The following GPHN variants were observed in gnomAD, a reference collection of about 807,000 sequenced individuals.
GPHN encodes the protein gephyrin.
A neutral mutation model predicts 95.5 loss-of-function variants in GPHN; 17 were observed. The ratio of observed to expected loss-of-function variants is 0.18; its 90% confidence interval spans 0.12 to 0.27. The LOEUF is 0.27. Ranked by LOEUF, GPHN falls within the 10% of genes least tolerant of loss-of-function variation. GPHN has a pLI of 1.00. For missense variants in GPHN, 660 were observed against 978.1 expected (o/e 0.67, Z 4.34); for synonymous variants, 320 against 322.5 (o/e 0.99, Z 0.08).
chr14:66,804,014 G>A (rs947545035), intron 3 of GPHN, among the ~76,000 whole-genome samples: 4 of 148,548 alleles, frequency 2.7e-5, no homozygotes, highest in African/African-American at 1.0e-4. Flanking sequence ...GGTTTTTTTT[G>A]TTCTGTTTTT....
intron 8 of GPHN, among the ~76,000 whole-genome samples, chr14:66,952,394 A>G (rs2068162812): frequency 6.6e-6 from 1 of 151,934 alleles, no homozygotes; most frequent in Non-Finnish European, 1.5e-5. Context: ...ACAATATTCC[A>G]TTGTAAGGTA....
intron 1 of GPHN, among the ~76,000 whole-genome samples, chr14:66,621,415 A>G (rs2063295741): frequency 7.3e-6 from 1 of 136,906 alleles, no homozygotes; most frequent in Admixed American, 7.3e-5. Flanking sequence ...GTGCCTGGCC[A>G]GGGCTGTCAA....
At chr14:67,266,739 T>A in the GPHN span, among the ~76,000 whole-genome samples, 1 of 152,200 alleles carries the variant, frequency 6.6e-6, no homozygotes, top group Admixed American at 6.5e-5. Context: ...AGTTACACAG[T>A]TATCAAGTAA....
At chr14:66,990,074 C>T (rs1463312783) in intron 9 of GPHN, among the ~76,000 whole-genome samples, 2 of 152,074 alleles carry the variant, frequency 1.3e-5, no homozygotes, top group Non-Finnish European at 2.9e-5. Context: ...CCTCAGGAAA[C>T]TTACAATCAT....
chr14:66,939,262 A>G (rs2067282550), intron 8 of GPHN, among the ~76,000 whole-genome samples: 1 of 152,176 alleles, frequency 6.6e-6, no homozygotes, highest in South Asian at 2.1e-4. Flanking sequence ...AATGGGAGAA[A>G]ATATTTGCAA....
chr14:67,589,796 A>G, the GPHN span: 1 of 1,116,214 alleles, frequency 9.0e-7, no homozygotes, highest in Non-Finnish European at 1.1e-6. Context: ...GCAATTTCCG[A>G]AAGTGTTCTT....
chr14:67,253,169 T>C, the GPHN span, among the ~76,000 whole-genome samples: 1 of 152,226 alleles, frequency 6.6e-6, no homozygotes, highest in South Asian at 2.1e-4. Context: ...TGATTCCTTA[T>C]CTGCAGAATG....
At chr14:67,176,931 A>G (rs1379238498) in intron 21 of GPHN, among the ~76,000 whole-genome samples, 2 of 152,056 alleles carry the variant, frequency 1.3e-5, no homozygotes, top group African/African-American at 4.8e-5. Flanking sequence ...TATCCCCTTT[A>G]TCATTTTTTA....
At chr14:67,521,769 T>C in the GPHN span, among the ~76,000 whole-genome samples, 1 of 152,188 alleles carries the variant, frequency 6.6e-6, no homozygotes, top group Non-Finnish European at 1.5e-5. Flanking sequence ...AGACCAAAGT[T>C]AAAAGAAATC....
intron 1 of GPHN, among the ~76,000 whole-genome samples, chr14:66,613,458 A>C (rs960691901): frequency 6.6e-6 from 1 of 152,110 alleles, no homozygotes; most frequent in African/African-American, 2.4e-5. Context: ...GATCATGAAA[A>C]GGACGCTTGT....
chr14:66,904,523 G>T (rs8022801), intron 5 of GPHN, among the ~76,000 whole-genome samples: 1 of 152,120 alleles, frequency 6.6e-6, no homozygotes, highest in African/African-American at 2.4e-5. Context: ...TAGCTACAGA[G>T]TACTGACTGG....
intron 10 of GPHN, among the ~76,000 whole-genome samples, chr14:67,034,845 A>G (rs1316565390): frequency 1.3e-5 from 2 of 152,140 alleles, no homozygotes; most frequent in East Asian, 1.9e-4. Context: ...GGAGATTTCA[A>G]TATTCTACTT....
intron 3 of GPHN, among the ~76,000 whole-genome samples, chr14:66,823,569 A>T (rs143309430): frequency 6.6e-6 from 1 of 152,328 alleles, no homozygotes; most frequent in African/African-American, 2.4e-5. Context: ...GCCATTAATT[A>T]ATCATTGCAC....
intron 3 of GPHN, among the ~76,000 whole-genome samples, chr14:66,807,842 G>A (rs987666531): frequency 3.9e-5 from 6 of 152,184 alleles, no homozygotes; most frequent in Admixed American, 6.5e-5. Context: ...GAGTAGTCTT[G>A]TACATGTCTT....
chr14:67,578,240 G>C, the GPHN span: 6 of 1,571,980 alleles, frequency 3.8e-6, no homozygotes, highest in Non-Finnish European at 5.2e-6. The surrounding 1 kb of genome is among the most constrained non-coding windows in gnomAD (Gnocchi z 5.0). Flanking sequence ...GAAGCCATTG[G>C]CAAGGGCTGC....
At chr14:67,688,895 G>A in the GPHN span, among the ~76,000 whole-genome samples, 1 of 150,048 alleles carries the variant, frequency 6.7e-6, no homozygotes, top group African/African-American at 2.5e-5. Flanking sequence ...TTCATCCCCT[G>A]TCCCCTAACC....
At chr14:66,746,407 T>C (rs1275945034) in intron 2 of GPHN, among the ~76,000 whole-genome samples, 2 of 152,148 alleles carry the variant, frequency 1.3e-5, no homozygotes, top group African/African-American at 4.8e-5. Flanking sequence ...TTCTGTGGAT[T>C]GTGTGGTTCT....
At chr14:67,687,661 G>A in the GPHN span, among the ~76,000 whole-genome samples, 7 of 151,660 alleles carry the variant, frequency 4.6e-5, no homozygotes, top group South Asian at 2.1e-4. Flanking sequence ...AGTAGAGATG[G>A]GGTTTCTCCA....
chr14:67,105,513 A>C (rs903059855), intron 13 of GPHN, among the ~76,000 whole-genome samples: 6 of 152,252 alleles, frequency 3.9e-5, no homozygotes, highest in African/African-American at 1.4e-4. Context: ...GGGTGATCCC[A>C]TGTTCAATGC....
Sources: gnomAD v4.1 joint callset for allele counts (sites outside exome capture counted in the v4.1 genomes callset) on GRCh38, gnomAD v4.1.1 for gene constraint, Gnocchi (gnomAD v3.1) non-coding constraint, MANE v1.5 for transcripts, NCBI Gene and HGNC (gene_info 2026-07-23, HGNC 2026-07-21) for gene names.